ACSF2: variants seen among roughly 807,000 people sequenced by gnomAD.
ACSF2 encodes the protein medium-chain acyl-CoA ligase ACSF2, mitochondrial.
A neutral mutation model predicts 79.3 loss-of-function variants in ACSF2; 52 were observed. The observed-to-expected ratio is 0.66, with a 90% CI of 0.53 to 0.83. The LOEUF is 0.83. ACSF2 is among the 40% of genes least tolerant of loss of function. The pLI is 0.00. For missense variants in ACSF2, 661 were observed against 803.3 expected, an observed-to-expected ratio of 0.82 and a Z score of 2.14; for synonymous variants, 283 against 312.6, an observed-to-expected ratio of 0.91 and a Z score of 1.00.
chr17:50,426,492 T>G (rs1733373400), intron 1 of ACSF2, 103 bp downstream of exon 1: 5 of 1,230,748 alleles, frequency 4.1e-6, no homozygotes, highest in African/African-American at 1.6e-5. Context: ...ACGAGTGCAC[T>G]GGGGGGAAGG....
intron 1 of ACSF2, among the ~76,000 whole-genome samples, chr17:50,440,230 C>A (rs1356128270): frequency 2.6e-5 from 4 of 151,260 alleles, no homozygotes; most frequent in African/African-American, 9.7e-5. Flanking sequence ...TAGTATGGCA[C>A]CCTCCCCAGG....
rs567972291 is a variant in ACSF2, at chr17:50,469,353, C to A, written c.1216-1675C>A. 4.6e-5 allele frequency among the ~76,000 whole-genome samples: 7 copies of A among 152,350 alleles called. No homozygotes were observed. The East Asian group carries it at 1.4e-3, about 29-fold the overall frequency. The stretch of plus-strand genomic sequence containing the variant: ...CTGGATGCGTCTCCCTGCGGTGGGC[C>A]AGCTGCCTGCGCTTTAAAGGGGCGC... On this transcript the variant is annotated intron_variant, in intron 10 of 15. Coordinates refer to ENST00000300441, the MANE Select transcript of ACSF2 (RefSeq NM_025149.6).
chr17:50,460,545 G>T (rs1213131364), intron 1 of ACSF2, 132 bp from the exon 2 acceptor site: 3 of 775,944 alleles, frequency 3.9e-6, no homozygotes, highest in East Asian at 2.7e-5. Flanking sequence ...CTTACAAGAA[G>T]ATCTGGAGGA....
chr17:50,460,737 G>A lies in ACSF2; in HGVS notation c.189G>A (p.Gly63=), dbSNP rs766045803. ...TCGGAGGCCTCAGCTACGTTCAGGG[G>A]TGCACCAAAAAGCATCTTAACAGCA... ...TPIGGLSYVQ[G]CTKKHLNSKT... Residue 63 remains glycine, a synonymous_variant, in exon 2 of 16, where the codon GGG becomes GGA. Transcript: ENST00000300441. 2.9e-5 allele frequency: 47 copies of A among 1,613,358 alleles called. No homozygotes were observed. In the South Asian group the frequency reaches 5.0e-4, roughly 17 times the overall value.
At chr17:50,443,248 A>T (rs1205013363) in intron 1 of ACSF2, among the ~76,000 whole-genome samples, 1 of 152,080 alleles carries the variant, frequency 6.6e-6, no homozygotes, top group Non-Finnish European at 1.5e-5. Context: ...GTTGTTTTTT[A>T]GAATAGATCC....
rs1598424033 is a variant in ACSF2 at position 50,463,773 on chromosome 17, T to C, written c.1047-45T>C. 1.3e-6 allele frequency: 2 copies of C among 1,584,204 alleles called. No individual in the cohort carries two copies. Among genetic ancestry groups the C allele is most frequent in the Non-Finnish European group, 1.7e-6 (2 of 1,155,058 alleles). On this transcript the variant is annotated intron_variant, in intron 8 of 15. Transcript: ENST00000300441. The surrounding 1 kb of genome is among the most constrained non-coding windows in gnomAD (Gnocchi z 4.6). Reference sequence around the variant, plus strand: ...GGCGGGGTGGGTGAGAACAGGGAGTTCCCTTCCACTTCCAAGCCTAATTTC... The same window carrying C: ...GGCGGGGTGGGTGAGAACAGGGAGTCCCCTTCCACTTCCAAGCCTAATTTC...
chr17:50,468,972 GCTTAA>G, intron 10 of ACSF2: 14 of 1,377,680 alleles, frequency 1.0e-5, no homozygotes, highest in Non-Finnish European at 1.3e-5. Context: ...AGGCCACTGG[GCTTAA>G]CTCGCTCGCG....
At chr17:50,460,278 G>A (rs754575907) in intron 1 of ACSF2, 39 of 461,128 alleles carry the variant, frequency 8.5e-5, no homozygotes, top group African/African-American at 1.4e-4. Flanking sequence ...GTCCAGGCAC[G>A]CTTCCCTGGT....
chr17:50,444,917 T>A (rs991265596), intron 1 of ACSF2, among the ~76,000 whole-genome samples: 2 of 152,166 alleles, frequency 1.3e-5, no homozygotes, highest in Non-Finnish European at 2.9e-5. Context: ...AATTAGATAA[T>A]GTGGCTTTTT....
chr17:50,449,299 G>A (rs1438899319), intron 1 of ACSF2, among the ~76,000 whole-genome samples: 2 of 151,788 alleles, frequency 1.3e-5, no homozygotes, highest in African/African-American at 4.8e-5. Flanking sequence ...TTACAGGCAT[G>A]AGCCACCACG....
chr17:50,464,362 G>A, intron 10 of ACSF2, 68 bp downstream of exon 10: 1 of 1,474,040 alleles, frequency 6.8e-7, no homozygotes, highest in South Asian at 1.1e-5. Context: ...GGACAGACAT[G>A]GGGATGAGTC....
intron 1 of ACSF2, 60 bp downstream of exon 1, chr17:50,426,449 G>T: frequency 7.9e-7 from 1 of 1,272,574 alleles, no homozygotes; most frequent in Non-Finnish European, 1.0e-6. Flanking sequence ...GGAACTTGGA[G>T]GTCCCGGCGA....
chr17:50,468,429 A>G, intron 10 of ACSF2: 2 of 1,614,236 alleles, frequency 1.2e-6, no homozygotes, highest in Non-Finnish European at 1.7e-6. Flanking sequence ...TGGTCCAGGT[A>G]GAGGTAGGTC....
chr17:50,463,178 G>A lies in ACSF2; in HGVS notation c.815G>A (p.Gly272Glu), dbSNP rs750235739. Residue 272 changes from glycine to glutamate, a missense_variant, in exon 7 of 16, where the codon GGG becomes GAG. Transcript: ENST00000300441. This position sits in a 1 kb window ranked among gnomAD's most constrained non-coding sequence, Gnocchi z 4.6. ...FTSGTTGSPKGATLSHYNIVN... is the reference protein window; with the variant it reads ...FTSGTTGSPKEATLSHYNIVN... Reference sequence around the variant, plus strand: ...CAGGGGACAACAGGCAGCCCCAAGGGGGCCACCCTCTCCCACTACAACATT... The same window carrying A: ...CAGGGGACAACAGGCAGCCCCAAGGAGGCCACCCTCTCCCACTACAACATT... 33 of 1,614,050 alleles carry A rather than the reference G, an allele frequency of 2.0e-5. No individual in the cohort carries two copies. The highest frequency in any genetic ancestry group is 2.8e-5 in the Non-Finnish European group (33 of 1,180,014).
At chr17:50,432,243 A>C (rs1195146601) in intron 1 of ACSF2, among the ~76,000 whole-genome samples, 1 of 152,164 alleles carries the variant, frequency 6.6e-6, no homozygotes, top group Non-Finnish European at 1.5e-5. Flanking sequence ...GTGAGGGTTA[A>C]ATGAGGTCCC....
At chr17:50,462,079 A>T in intron 4 of ACSF2, 105 bp from the exon 5 acceptor site, 1 of 902,250 alleles carries the variant, frequency 1.1e-6, no homozygotes, top group Non-Finnish European at 1.7e-6. Flanking sequence ...TGTGTGTGTC[A>T]GAAGCGGGTG....
In ACSF2 at chr17:50,461,612, TGC is replaced by T. The variant is rs2032332282; in HGVS notation, c.454-20_454-19del. The T allele has an allele frequency of 6.2e-7, 1 of 1,614,062 alleles. No homozygotes were observed. Among genetic ancestry groups the T allele is most frequent in the South Asian group, 1.1e-5 (1 of 91,088 alleles). On this transcript the variant is annotated intron_variant, in intron 3 of 15. Coordinates refer to ENST00000300441, the MANE Select transcript of ACSF2 (RefSeq NM_025149.6). ...ACAGGGTCTGCCCAGAATACTGATATGCCCTCGCCGCTTCCACCAGGTGTCTG... is the reference window on the plus strand; with the variant it reads ...ACAGGGTCTGCCCAGAATACTGATATCCTCGCCGCTTCCACCAGGTGTCTG...
chr17:50,462,043 T>G, intron 4 of ACSF2, 141 bp from the exon 5 acceptor site: 1 of 694,708 alleles, frequency 1.4e-6, no homozygotes, highest in Non-Finnish European at 2.5e-6. Flanking sequence ...TGTCTTGGAG[T>G]GTGGTGCCTG....
intron 1 of ACSF2, among the ~76,000 whole-genome samples, chr17:50,429,894 C>T (rs374445333): frequency 6.6e-6 from 1 of 152,212 alleles, no homozygotes; most frequent in Non-Finnish European, 1.5e-5. Context: ...CTCCTTCCCC[C>T]TATCTATGTG....
Sources: gnomAD v4.1 joint callset for allele counts (sites outside exome capture counted in the v4.1 genomes callset) on GRCh38, gnomAD v4.1.1 for gene constraint, Gnocchi (gnomAD v3.1) non-coding constraint, MANE v1.5 for transcripts, NCBI Gene and HGNC (gene_info 2026-07-23, HGNC 2026-07-21) for gene names.